ZNF618: variants seen among roughly 807,000 people sequenced by gnomAD.
The protein encoded by ZNF618 is zinc finger protein 618.
ZNF618 carries 34 observed loss-of-function variants against 103.0 expected under a neutral mutation model. The ratio of observed to expected loss-of-function variants is 0.33; its 90% CI spans 0.25 to 0.44. The LOEUF (loss-of-function observed/expected upper bound fraction) is 0.44, where lower values mean the gene tolerates loss of function less well. Ranked by LOEUF, ZNF618 falls within the 20% of genes least tolerant of loss-of-function variation. The pLI is 1.00. For synonymous variants in ZNF618, 551 were observed against 542.2 expected, an observed-to-expected ratio of 1.02 and a Z score of -0.23; for missense variants, 1,059 against 1,295.4, an observed-to-expected ratio of 0.82 and a Z score of 2.80.
intron 1 of ZNF618, among the ~76,000 whole-genome samples, chr9:113,967,464 C>G (rs1837521963): frequency 6.6e-6 from 1 of 152,230 alleles, no homozygotes; most frequent in African/African-American, 2.4e-5. Flanking sequence ...TAACCTTGCC[C>G]TTTCCCTTGT....
At chr9:113,894,794 A>C (rs1829899576) in intron 1 of ZNF618, among the ~76,000 whole-genome samples, 1 of 152,192 alleles carries the variant, frequency 6.6e-6, no homozygotes, top group Non-Finnish European at 1.5e-5. Context: ...ACTGATTTTT[A>C]TGTGATTGTT....
chr9:113,975,711 G>T (rs1013716378), intron 2 of ZNF618, among the ~76,000 whole-genome samples: 1 of 152,160 alleles, frequency 6.6e-6, no homozygotes, highest in African/African-American at 2.4e-5. Context: ...GATACTTCTG[G>T]CCCTGAGTGT....
intron 3 of ZNF618, among the ~76,000 whole-genome samples, chr9:113,997,759 CAT>C: frequency 6.6e-6 from 1 of 152,284 alleles, no homozygotes; most frequent in Middle Eastern, 3.4e-3. Context: ...AGCCATGGTT[CAT>C]AGAGGAAAAA....
At chr9:113,897,139 C>T (rs924238749) in intron 1 of ZNF618, among the ~76,000 whole-genome samples, 2 of 152,074 alleles carry the variant, frequency 1.3e-5, no homozygotes, top group Non-Finnish European at 2.9e-5. Flanking sequence ...ATGGAACTTA[C>T]CCCCGTTTAT....
chr9:113,893,131 A>G (rs1829757068), intron 1 of ZNF618, among the ~76,000 whole-genome samples: 1 of 152,224 alleles, frequency 6.6e-6, no homozygotes, highest in Non-Finnish European at 1.5e-5. Context: ...CTAGACTGGC[A>G]TCAATGCCAT....
chr9:113,997,362 G>A (rs962655235), intron 3 of ZNF618, among the ~76,000 whole-genome samples: 1 of 152,064 alleles, frequency 6.6e-6, no homozygotes, highest in African/African-American at 2.4e-5. Context: ...GCCTGCCTTG[G>A]CCTCCCAAAA....
At chr9:113,970,535 A>G (rs1837858658) in intron 2 of ZNF618, among the ~76,000 whole-genome samples, 1 of 152,018 alleles carries the variant, frequency 6.6e-6, no homozygotes, top group East Asian at 1.9e-4. Context: ...AGCCATGGTG[A>G]TACCTAAATT....
chr9:113,894,907 C>T (rs1273248820), intron 1 of ZNF618, among the ~76,000 whole-genome samples: 2 of 152,074 alleles, frequency 1.3e-5, no homozygotes, highest in East Asian at 1.9e-4. Context: ...CATTTCCCTT[C>T]ATCTTTTACA....
chr9:113,923,752 A>G (rs1339906747), intron 1 of ZNF618, among the ~76,000 whole-genome samples: 1 of 151,908 alleles, frequency 6.6e-6, no homozygotes, highest in Non-Finnish European at 1.5e-5. Context: ...CCTTTTTTGT[A>G]ATGTCTTTAT....
At chr9:114,026,715 G>GT (rs1412548125) in intron 10 of ZNF618, among the ~76,000 whole-genome samples, 1 of 152,142 alleles carries the variant, frequency 6.6e-6, no homozygotes, top group Non-Finnish European at 1.5e-5. Flanking sequence ...TGGGCCTTGG[G>GT]TTTTTTTAAT....
chr9:113,957,162 A>G (rs1455811604), intron 1 of ZNF618, among the ~76,000 whole-genome samples: 1 of 152,214 alleles, frequency 6.6e-6, no homozygotes, highest in African/African-American at 2.4e-5. Context: ...TTGGCTTTTT[A>G]AAAAGTATAT....
rs1835604800 is a variant in ZNF618 at position 113,951,423 on chromosome 9, G to GTGTGTGTATATATATATACACACATATA, written c.34-17687_34-17686insATATATATATACACACATATATGTGTGT. Among the ~76,000 whole-genome samples, 18 of 4,474 alleles carry GTGTGTGTATATATATATACACACATATA rather than the reference G, an allele frequency of 4.0e-3. 2 individuals are homozygous for GTGTGTGTATATATATATACACACATATA. In the East Asian group the frequency reaches 0.048, roughly 12 times the overall value. 2.9% of individuals were successfully genotyped at this position (4,474 alleles called of 152,430 possible). On this transcript the variant is annotated intron_variant, in intron 1 of 14. Transcript: ENST00000374126. ...TATACGTATATATACACACATATAT[G>GTGTGTGTATATATATATACACACATATA]TGTGTGTGTATATATATACATATAT...
chr9:113,906,228 T>G (rs1373707115), intron 1 of ZNF618, among the ~76,000 whole-genome samples: 1 of 152,112 alleles, frequency 6.6e-6, no homozygotes, highest in Non-Finnish European at 1.5e-5. Flanking sequence ...GGCTGCGCTG[T>G]TTTATATTTC....
chr9:113,972,974 C>T (rs1463957987), intron 2 of ZNF618, among the ~76,000 whole-genome samples: 7 of 152,042 alleles, frequency 4.6e-5, no homozygotes, highest in Non-Finnish European at 8.8e-5. Context: ...GAGGCTGAGG[C>T]GGGAGAATCA....
intron 1 of ZNF618, among the ~76,000 whole-genome samples, chr9:113,919,387 T>C (rs891234590): frequency 1.3e-5 from 2 of 152,220 alleles, no homozygotes; most frequent in South Asian, 4.1e-4. Context: ...TTAATGAATT[T>C]TTCTTTATAA....
At chr9:113,968,148 G>C (rs1480150270) in intron 1 of ZNF618, among the ~76,000 whole-genome samples, 1 of 152,194 alleles carries the variant, frequency 6.6e-6, no homozygotes, top group Non-Finnish European at 1.5e-5. Flanking sequence ...AAAGGCTAGT[G>C]ACAGTCCTCA....
Position 113,998,311 on chromosome 9 carries a change from T to C in ZNF618, c.390T>C (p.Tyr130=), listed in dbSNP as rs1345582270. 6.4e-7 allele frequency: 1 copy of C among 1,550,594 alleles called. No homozygotes were observed. The highest frequency in any genetic ancestry group is 2.4e-5 in the East Asian group (1 of 40,922). ...SPHGGSVRSR[Y]SGTWIFDQAL... Reference sequence around the variant, plus strand: ...ACGGTGGATCTGTGCGAAGCCGGTATTCAGGGACCTGGATTTTTGACCAAG... The same window carrying C: ...ACGGTGGATCTGTGCGAAGCCGGTACTCAGGGACCTGGATTTTTGACCAAG... The change falls in exon 4 of 15, where the codon TAT becomes TAC. Residue 130 remains tyrosine, a synonymous_variant. Coordinates refer to ENST00000374126, the MANE Select transcript of ZNF618 (RefSeq NM_001318042.2).
intron 13 of ZNF618, among the ~76,000 whole-genome samples, chr9:114,044,438 A>G (rs1257971631): frequency 1.3e-5 from 2 of 152,056 alleles, no homozygotes; most frequent in Non-Finnish European, 2.9e-5. Flanking sequence ...ATTTTGGTGA[A>G]TATAGCCTTG....
At chr9:113,968,988 C>T in intron 1 of ZNF618, 129 bp from the exon 2 acceptor site, 1 of 1,048,612 alleles carries the variant, frequency 9.5e-7, no homozygotes, top group South Asian at 1.3e-5. Context: ...AGGAGCGGGA[C>T]AGGGGCTTGT....
Sources: gnomAD v4.1 joint callset for allele counts (sites outside exome capture counted in the v4.1 genomes callset) on GRCh38, gnomAD v4.1.1 for gene constraint, MANE v1.5 for transcripts, NCBI Gene and HGNC (gene_info 2026-07-23, HGNC 2026-07-21) for gene names.